CDADC1: variants seen among roughly 807,000 people sequenced by gnomAD.
CDADC1 encodes the protein cytidine and dCMP deaminase domain containing 1, also known as dCTP deaminase.
Under a neutral mutation model 54.9 loss-of-function variants are expected in CDADC1, and 39 were observed. The ratio of observed to expected loss-of-function variants is 0.71; its 90% CI spans 0.55 to 0.93. The LOEUF is 0.93. Among genes scored for constraint, CDADC1 ranks in the 40% least tolerant of loss-of-function variants. The pLI is 0.00. For missense variants in CDADC1, 518 were observed against 618.8 expected (o/e 0.84, Z 1.73); for synonymous variants, 186 against 204.0 (o/e 0.91, Z 0.75).
intron 1 of CDADC1, chr13:49,248,554 C>T (rs891350538): frequency 2.1e-5 from 7 of 330,640 alleles, no homozygotes; most frequent in Admixed American, 4.4e-5. Flanking sequence ...TGCACCACGA[C>T]GACGTCAGAT....
rs146932526 is a variant in CDADC1 at position 49,286,069 on chromosome 13, C to T, written c.1411-153C>T. Among the ~76,000 whole-genome samples, 10 of 152,326 alleles carry T rather than the reference C, an allele frequency of 6.6e-5. No homozygotes were observed. In the East Asian group the frequency reaches 1.9e-3, roughly 29 times the overall value. ...ACTCAGGTAATCCACCTACCTTGGC[C>T]TCCCAAAGTGCTGGGATTACAGGTG... On this transcript the variant is annotated intron_variant, in intron 8 of 9. Transcript: ENST00000251108.
At chr13:49,286,351 C>A in intron 9 of CDADC1, 69 bp downstream of exon 9, 3 of 1,135,216 alleles carry the variant, frequency 2.6e-6, no homozygotes, top group South Asian at 2.5e-5. Context: ...TTTTAATGAT[C>A]AGGTGATGAA....
At chr13:49,252,607 C>G (rs1361662592) in intron 2 of CDADC1, among the ~76,000 whole-genome samples, 2 of 152,142 alleles carry the variant, frequency 1.3e-5, no homozygotes, top group Non-Finnish European at 2.9e-5. Flanking sequence ...TGAAAGGGAG[C>G]ATATTGTACT....
intron 5 of CDADC1, among the ~76,000 whole-genome samples, chr13:49,273,217 A>G (rs926435927): frequency 6.6e-6 from 1 of 152,194 alleles, no homozygotes; most frequent in Non-Finnish European, 1.5e-5. Context: ...TTTACTGGAA[A>G]GTAGGTATTT....
At chr13:49,259,575 G>A (rs1184639220) in intron 4 of CDADC1, 52 bp downstream of exon 4, 12 of 1,560,064 alleles carry the variant, frequency 7.7e-6, no homozygotes, top group Non-Finnish European at 1.1e-5. Context: ...TCTGGGATGG[G>A]CGTGGTGGTT....
chr13:49,267,291 G>A (rs1042200609), intron 4 of CDADC1, among the ~76,000 whole-genome samples, 199 bp from the exon 5 acceptor site: 1 of 152,170 alleles, frequency 6.6e-6, no homozygotes, highest in Non-Finnish European at 1.5e-5. Flanking sequence ...CCTGTGAGCT[G>A]TACAAAGACT....
intron 9 of CDADC1, among the ~76,000 whole-genome samples, chr13:49,287,423 C>T (rs1953548707): frequency 6.6e-6 from 1 of 152,002 alleles, no homozygotes; most frequent in South Asian, 2.1e-4. Context: ...AAGTACATAT[C>T]CACTGCATCT....
chr13:49,292,121 A>G lies in CDADC1; in HGVS notation c.*364A>G. ...TCTGCAGGGAATCACACACCTTTTG[A>G]GAAATATTAATTCTTTTGAATTACA... On this transcript the variant is annotated 3_prime_UTR_variant, in exon 10 of 10. Coordinates refer to ENST00000251108, the MANE Select transcript of CDADC1 (RefSeq NM_030911.4). 1 of 1,023,482 alleles carries G rather than the reference A, an allele frequency of 9.8e-7. No homozygotes were observed. 63.4% of individuals were successfully genotyped at this position (1,023,482 alleles called of 1,614,324 possible).
chr13:49,282,191 T>C (rs1953364400), intron 8 of CDADC1, among the ~76,000 whole-genome samples: 1 of 151,794 alleles, frequency 6.6e-6, no homozygotes, highest in Non-Finnish European at 1.5e-5. Context: ...ACAAGAACTT[T>C]TAAGTCTTTA....
rs748410476 is a variant in CDADC1 at position 49,291,775 on chromosome 13, G to A, written c.*18G>A. 27 of 1,607,558 alleles carry A rather than the reference G, an allele frequency of 1.7e-5. No homozygotes were observed. Among genetic ancestry groups the A allele is most frequent in the African/African-American group, 5.4e-5 (4 of 74,546 alleles). Reference sequence around the variant, plus strand: ...TCCACTAAGAAGGCCTGTCTACACTGCAGGGGAACCTCAAGAACTTTTCAT... The same window carrying A: ...TCCACTAAGAAGGCCTGTCTACACTACAGGGGAACCTCAAGAACTTTTCAT... On this transcript the variant is annotated 3_prime_UTR_variant, in exon 10 of 10. Coordinates refer to ENST00000251108, the MANE Select transcript of CDADC1 (RefSeq NM_030911.4).
intron 6 of CDADC1, among the ~76,000 whole-genome samples, chr13:49,274,788 C>T (rs1953060067): frequency 6.6e-6 from 1 of 152,148 alleles, no homozygotes; most frequent in South Asian, 2.1e-4. Context: ...ATTTGTTAAA[C>T]ACTCTCTACA....
intron 8 of CDADC1, among the ~76,000 whole-genome samples, chr13:49,281,617 C>T (rs1953337988): frequency 6.6e-6 from 1 of 152,160 alleles, no homozygotes; most frequent in Non-Finnish European, 1.5e-5. Context: ...CACTCACTTG[C>T]TGCCGTGCGG....
rs143832752 is a variant in CDADC1 at position 49,285,778 on chromosome 13, A to G, written c.1411-444A>G. On this transcript the variant is annotated intron_variant, in intron 8 of 9. Transcript: ENST00000251108. Reference sequence around the variant, plus strand: ...GTGTGGCGTTATTAGGGCTTTGTTAATTTGAACATGCTAACTTCTTTTTCT... The same window carrying G: ...GTGTGGCGTTATTAGGGCTTTGTTAGTTTGAACATGCTAACTTCTTTTTCT... Among the ~76,000 whole-genome samples, 501 of 151,698 alleles carry G rather than the reference A, an allele frequency of 3.3e-3. 4 individuals are homozygous for G. Among genetic ancestry groups the G allele is most frequent in the African/African-American group, 0.011 (459 of 41,370 alleles).
intron 1 of CDADC1, chr13:49,248,567 G>C: frequency 2.9e-6 from 1 of 347,926 alleles, no homozygotes; most frequent in South Asian, 5.6e-5. Flanking sequence ...CGTCAGATGC[G>C]AAGACTTTTC....
intron 5 of CDADC1, 72 bp from the exon 6 acceptor site, chr13:49,274,219 C>A: frequency 1.6e-6 from 2 of 1,221,244 alleles, no homozygotes; most frequent in Non-Finnish European, 1.2e-6. Flanking sequence ...GTTTTTATTA[C>A]TTTTGGAAAA....
intron 8 of CDADC1, 30 bp downstream of exon 8, chr13:49,280,728 AT>A: frequency 1.4e-6 from 2 of 1,441,154 alleles, no homozygotes; most frequent in Middle Eastern, 1.8e-4. Context: ...TTTCAGGTGT[AT>A]TTTGTATTAT....
At chr13:49,291,101 C>A (rs888143422) in intron 9 of CDADC1, among the ~76,000 whole-genome samples, 10 of 151,942 alleles carry the variant, frequency 6.6e-5, no homozygotes, top group African/African-American at 1.9e-4. Flanking sequence ...GACGTCCCCC[C>A]ACCAAAAACA....
rs535336791 is a variant in CDADC1, at chr13:49,291,867, A to T, written c.*110A>T. ...ATGGATTTTGTGAATAATTGAAAAG[A>T]TTTTTTAAGGAAGCTAATTTATTTC... On this transcript the variant is annotated 3_prime_UTR_variant, in exon 10 of 10. Coordinates refer to ENST00000251108, the MANE Select transcript of CDADC1 (RefSeq NM_030911.4). 7.2e-5 allele frequency: 106 copies of T among 1,465,742 alleles called. 1 individual carries two copies. The South Asian group carries it at 1.4e-3, about 19-fold the overall frequency. The allele number at this position is 1,465,742 out of a possible 1,614,324, so 90.8% of individuals were successfully genotyped here. A position where few individuals can be genotyped will look rare whatever the true frequency, so the allele number is the denominator to read the frequency against.
intron 2 of CDADC1, among the ~76,000 whole-genome samples, chr13:49,254,622 C>T (rs12866377): frequency 0.14 from 20,623 of 152,052 alleles, 1,686 homozygotes; most frequent in Admixed American, 0.22. Context: ...AGGCTGGTCT[C>T]GAACTCTTGA....
Sources: allele counts gnomAD v4.1 joint callset (sites outside exome capture counted in the v4.1 genomes callset), GRCh38; gene constraint gnomAD v4.1.1; transcripts MANE v1.5; gene names NCBI Gene and HGNC (gene_info 2026-07-23, HGNC 2026-07-21).